SLC24A4: variants seen among roughly 807,000 people sequenced by gnomAD.
The protein encoded by SLC24A4 is sodium/potassium/calcium exchanger 4.
In SLC24A4, 53 loss-of-function variants were observed where a neutral mutation model predicts 79.0. The ratio of observed to expected loss-of-function variants is 0.67; its 90% CI spans 0.54 to 0.84. The LOEUF is 0.84. Among genes scored for constraint, SLC24A4 ranks in the 40% least tolerant of loss-of-function variants. The pLI, the probability that SLC24A4 is intolerant of heterozygous loss-of-function variation, is 0.00. For missense variants in SLC24A4, 731 were observed against 822.0 expected (o/e 0.89, Z 1.35); for synonymous variants, 323 against 323.8 (o/e 1.00, Z 0.03).
chr14:92,473,617 C>A (rs1449153215), intron 12 of SLC24A4, among the ~76,000 whole-genome samples: 1 of 152,106 alleles, frequency 6.6e-6, no homozygotes, highest in East Asian at 1.9e-4. Context: ...GAGGTGTTTC[C>A]TGGAGCCAGG....
At chr14:92,448,842 G>A (rs917463530) in intron 9 of SLC24A4, among the ~76,000 whole-genome samples, 11 of 152,270 alleles carry the variant, frequency 7.2e-5, no homozygotes, top group African/African-American at 2.6e-4. Flanking sequence ...ATGCCTCCAG[G>A]AAGTCCACCA....
chr14:92,492,298 C>T (rs377717745), intron 16 of SLC24A4, 58 bp downstream of exon 16: 54 of 1,513,382 alleles, frequency 3.6e-5, no homozygotes, highest in Admixed American at 1.2e-4. Context: ...CATCTGATTC[C>T]GCCTCGTCAC....
chr14:92,413,859 G>C (rs576264710), intron 2 of SLC24A4, among the ~76,000 whole-genome samples: 3 of 152,318 alleles, frequency 2.0e-5, no homozygotes, highest in African/African-American at 7.2e-5. Context: ...CAAAAGATGT[G>C]TCATTGTTGG....
chr14:92,456,351 G>A (rs1893459789), intron 11 of SLC24A4, 53 bp from the exon 12 acceptor site: 14 of 1,593,704 alleles, frequency 8.8e-6, no homozygotes, highest in Non-Finnish European at 1.2e-5. Flanking sequence ...TATAGCAATA[G>A]CATGATGCTT....
chr14:92,485,565 A>T (rs1488018370), intron 13 of SLC24A4, among the ~76,000 whole-genome samples: 1 of 152,174 alleles, frequency 6.6e-6, no homozygotes. Flanking sequence ...TGCAATTTTT[A>T]ATTTTTCTGA....
intron 2 of SLC24A4, among the ~76,000 whole-genome samples, chr14:92,363,934 G>A (rs763121105): frequency 6.6e-6 from 1 of 152,048 alleles, no homozygotes; most frequent in African/African-American, 2.4e-5. Context: ...GCCCTCGGAC[G>A]TCCCGGCCAC....
intron 12 of SLC24A4, among the ~76,000 whole-genome samples, chr14:92,460,125 C>T (rs1181252278): frequency 2.6e-5 from 4 of 152,144 alleles, no homozygotes; most frequent in Non-Finnish European, 5.9e-5. Context: ...AGCCCCGTGC[C>T]AATGTGCAGA....
At chr14:92,461,882 G>C (rs952385643) in intron 12 of SLC24A4, among the ~76,000 whole-genome samples, 7 of 152,224 alleles carry the variant, frequency 4.6e-5, no homozygotes, top group Admixed American at 4.6e-4. Flanking sequence ...AGCACAGAGA[G>C]GTAAGTGATT....
chr14:92,479,180 T>C (rs1894926802), intron 12 of SLC24A4, among the ~76,000 whole-genome samples: 1 of 152,228 alleles, frequency 6.6e-6, no homozygotes. Context: ...ATCACTTTTA[T>C]TTATTTTTCT....
intron 2 of SLC24A4, among the ~76,000 whole-genome samples, chr14:92,342,363 C>CATTTATTTATTTATTTATTTATTT (rs10664923): frequency 7.3e-6 from 1 of 137,846 alleles, no homozygotes; most frequent in African/African-American, 2.7e-5. Context: ...TTTTTTTCCC[C>CATTTATTTATTTATTTATTTATTT]ATTTATTTAT....
At chr14:92,335,016 A>C (rs1885702052) in intron 2 of SLC24A4, among the ~76,000 whole-genome samples, 2 of 152,180 alleles carry the variant, frequency 1.3e-5, no homozygotes, top group African/African-American at 4.8e-5. Context: ...CTCTGAAGGC[A>C]GGTGCTGTCC....
intron 12 of SLC24A4, among the ~76,000 whole-genome samples, chr14:92,476,331 A>G (rs1262107619): frequency 1.3e-5 from 2 of 152,240 alleles, no homozygotes; most frequent in Non-Finnish European, 2.9e-5. Context: ...ACTTTTGGCC[A>G]TTTGTACAGG....
At chr14:92,376,509 A>C (rs972942071) in intron 2 of SLC24A4, among the ~76,000 whole-genome samples, 3 of 152,240 alleles carry the variant, frequency 2.0e-5, no homozygotes, top group African/African-American at 7.2e-5. Flanking sequence ...TGATCCGTCC[A>C]TGGTATTTTG....
chr14:92,476,616 A>C (rs1894781469), intron 12 of SLC24A4, among the ~76,000 whole-genome samples: 1 of 152,170 alleles, frequency 6.6e-6, no homozygotes, highest in Non-Finnish European at 1.5e-5. Context: ...GGTTTTTGCT[A>C]TATTCACAGA....
chr14:92,436,314 A>C (rs1334520400), intron 3 of SLC24A4, among the ~76,000 whole-genome samples: 1 of 152,210 alleles, frequency 6.6e-6, no homozygotes, highest in African/African-American at 2.4e-5. Context: ...TTTATAAATA[A>C]AGTTTTATTG....
chr14:92,471,114 G>C (rs1313851154), intron 12 of SLC24A4, among the ~76,000 whole-genome samples: 1 of 152,166 alleles, frequency 6.6e-6, no homozygotes, highest in Non-Finnish European at 1.5e-5. Context: ...TTAAAGTCAA[G>C]GATTTTATTT....
At chr14:92,405,168 AT>A (rs1485453369) in intron 2 of SLC24A4, among the ~76,000 whole-genome samples, 1 of 152,114 alleles carries the variant, frequency 6.6e-6, no homozygotes, top group African/African-American at 2.4e-5. Context: ...TGACTCATCT[AT>A]TGCAGACCTT....
chr14:92,389,019 T>G (rs1004511101), intron 2 of SLC24A4, among the ~76,000 whole-genome samples: 3 of 152,150 alleles, frequency 2.0e-5, no homozygotes, highest in Non-Finnish European at 4.4e-5. Flanking sequence ...AAGGCAGAAC[T>G]AATATGACAA....
At chr14:92,487,389 GT>G (rs1459981905) in intron 14 of SLC24A4, among the ~76,000 whole-genome samples, 1 of 152,214 alleles carries the variant, frequency 6.6e-6, no homozygotes, top group African/African-American at 2.4e-5. Context: ...ACAGCACAGA[GT>G]TTGAAAGTAT....
Sources: allele counts gnomAD v4.1 joint callset (sites outside exome capture counted in the v4.1 genomes callset), GRCh38; gene constraint gnomAD v4.1.1; transcripts MANE v1.5; gene names NCBI Gene and HGNC (gene_info 2026-07-23, HGNC 2026-07-21).